Variants in BACH1 observed in about 807,000 individuals in gnomAD.
BACH1 encodes transcription regulator protein BACH1.
BACH1 carries 35 observed loss-of-function variants against 52.9 expected under a neutral mutation model. The ratio of observed to expected loss-of-function variants is 0.66; its 90% CI spans 0.51 to 0.88. BACH1 has a LOEUF of 0.88. Ranked by LOEUF, BACH1 falls within the 40% of genes least tolerant of loss-of-function variation. The probability of loss-of-function intolerance (pLI) is 0.00; values close to 1 mark genes in which losing one functional copy is unlikely to be tolerated. For synonymous variants in BACH1, 321 were observed against 319.6 expected (o/e 1.00, Z -0.05); for missense variants, 808 against 872.6 (o/e 0.93, Z 0.93).
At position 29,307,333 on chromosome 21, in the gene BACH1, T is replaced by G. The variant is rs538956292; in HGVS notation, c.-61+8380T>G. On this transcript the variant is annotated intron_variant, in intron 1 of 4. Coordinates refer to ENST00000286800, the MANE Select transcript of BACH1 (RefSeq NM_001186.4). ...GTATTCTTGTAGTACTCCTAACTTT[T>G]CTGTTTTGCTGTATGTGTACATTGT... Among the ~76,000 whole-genome samples, 17 of 152,378 alleles carry G rather than the reference T, an allele frequency of 1.1e-4. No individual in the cohort carries two copies. The East Asian group carries it at 3.3e-3, about 29-fold the overall frequency.
At chr21:29,334,092 TA>T (rs1258226084) in intron 4 of BACH1, among the ~76,000 whole-genome samples, 8 of 150,534 alleles carry the variant, frequency 5.3e-5, no homozygotes, top group East Asian at 1.9e-4. Context: ...TTTTTTTTGT[TA>T]TTTTTTTTAT....
intron 2 of BACH1, among the ~76,000 whole-genome samples, chr21:29,325,642 T>C (rs73897765): frequency 0.012 from 1,757 of 152,328 alleles, 35 homozygotes; most frequent in African/African-American, 0.04. Flanking sequence ...TTGTAGCTTG[T>C]AGCAGTTGGA....
intron 2 of BACH1, among the ~76,000 whole-genome samples, chr21:29,354,877 G>A (rs115912088): frequency 8.2e-4 from 125 of 152,318 alleles, no homozygotes; most frequent in African/African-American, 2.8e-3. Context: ...AAGTGTGTGT[G>A]TGGTGAACAG....
At chr21:29,356,672 G>A (rs1270213196) in intron 2 of BACH1, among the ~76,000 whole-genome samples, 1 of 152,274 alleles carries the variant, frequency 6.6e-6, no homozygotes, top group African/African-American at 2.4e-5. Flanking sequence ...TTGATAGGAA[G>A]GCTATGGGTT....
rs1057450937 is a variant in BACH1, at chr21:29,344,901, T to C, written c.*2068T>C. ...TCTTTTGCTTTAATTGCTACTGTAC[T>C]TGCTTTGAAAGATTACCTACTATTT... On this transcript the variant is annotated 3_prime_UTR_variant, in exon 5 of 5. Coordinates refer to ENST00000286800, the MANE Select transcript of BACH1 (RefSeq NM_001186.4). 1 of 152,778 alleles carries C rather than the reference T, an allele frequency of 6.5e-6. No individual in the cohort carries two copies. The highest frequency in any genetic ancestry group is 1.9e-4 in the East Asian group (1 of 5,192). The allele number at this position is 152,778 out of a possible 1,614,324, so 9.5% of individuals were successfully genotyped here. A position where few individuals can be genotyped will look rare whatever the true frequency, so the allele number is the denominator to read the frequency against.
intron 1 of BACH1, among the ~76,000 whole-genome samples, chr21:29,304,045 T>C (rs1262902053): frequency 6.6e-6 from 1 of 152,202 alleles, no homozygotes; most frequent in African/African-American, 2.4e-5. Context: ...AAAATAAATG[T>C]AAACACTTTT....
intron 1 of BACH1, among the ~76,000 whole-genome samples, chr21:29,304,008 A>C (rs748333654): frequency 1.6e-4 from 24 of 152,226 alleles, no homozygotes; most frequent in Non-Finnish European, 2.9e-4. Context: ...AATGCAGCTG[A>C]AATTTTGTGC....
At chr21:29,320,488 A>T (rs1041992503) in intron 1 of BACH1, among the ~76,000 whole-genome samples, 3 of 152,160 alleles carry the variant, frequency 2.0e-5, no homozygotes, top group South Asian at 2.1e-4. Flanking sequence ...TATGTATTTT[A>T]AAAAAATATA....
chr21:29,345,007 G>A lies in BACH1; in HGVS notation c.*2174G>A, dbSNP rs2089154953. On this transcript the variant is annotated 3_prime_UTR_variant, in exon 5 of 5. Coordinates refer to ENST00000286800, the MANE Select transcript of BACH1 (RefSeq NM_001186.4). The stretch of plus-strand genomic sequence containing the variant: ...TTAAATTTCTCTCTACCTATAAACA[G>A]TTTAGCATTAAGGGTTTCTATTAAT... 6.6e-6 allele frequency: 1 copy of A among 152,556 alleles called. No individual in the cohort carries two copies. Among genetic ancestry groups the A allele is most frequent in the Admixed American group, 6.5e-5 (1 of 15,280 alleles). The allele number at this position is 152,556 out of a possible 1,614,324, so 9.5% of individuals were successfully genotyped here.
chr21:29,322,482 C>G (rs1301770667), intron 2 of BACH1, among the ~76,000 whole-genome samples: 1 of 152,182 alleles, frequency 6.6e-6, no homozygotes, highest in Non-Finnish European at 1.5e-5. Context: ...TCCTGCCTTT[C>G]AGAGGAATTC....
chr21:29,306,361 AC>A (rs1013734737), intron 1 of BACH1, among the ~76,000 whole-genome samples: 11 of 149,196 alleles, frequency 7.4e-5, no homozygotes, highest in Non-Finnish European at 1.3e-4. Context: ...AAGAAGACAC[AC>A]TTTTTTTTTT....
chr21:29,329,503 A>T lies in BACH1; in HGVS notation c.1586A>T (p.Asn529Ile), dbSNP rs560686538. Reference sequence around the variant, plus strand: ...ATATTCTAGGTAAAACTGCCATTCAATGCACAACGGATAATTTCACTGTCT... The same window carrying T: ...ATATTCTAGGTAAAACTGCCATTCATTGCACAACGGATAATTTCACTGTCT... ...EQECEVKLPF[N>I]AQRIISLSRN... The change falls in exon 4 of 5, where the codon AAT becomes ATT. Residue 529 changes from asparagine (N) to isoleucine (I), a missense_variant. Physicochemically the swap from Asn to Ile is moderately radical, Grantham distance 149. Coordinates refer to ENST00000286800, the MANE Select transcript of BACH1 (RefSeq NM_001186.4). 1 of 1,581,356 alleles carries T rather than the reference A, an allele frequency of 6.3e-7. No individual in the cohort carries two copies. The highest frequency in any genetic ancestry group is 8.6e-7 in the Non-Finnish European group (1 of 1,167,156).
rs147272592 is a variant in BACH1 at position 29,326,677 on chromosome 21, G to A, written c.853G>A (p.Ala285Thr). 676 of 1,614,204 alleles carry A rather than the reference G, an allele frequency of 4.2e-4. 5 individuals are homozygous for A. The Middle Eastern group carries it at 6.1e-3, about 15-fold the overall frequency. Residue 285 changes from alanine to threonine, a missense_variant, in exon 3 of 5, where the codon GCA becomes ACA. Physicochemically the swap from Ala to Thr is moderately conservative, Grantham distance 58. Coordinates refer to ENST00000286800, the MANE Select transcript of BACH1 (RefSeq NM_001186.4). ...VMLKCDESKLAMEPEETKKDP... is the reference protein window; with the variant it reads ...VMLKCDESKLTMEPEETKKDP... ...GTTAAAATGTGACGAAAGTAAATTA[G>A]CAATGGAACCTGAAGAAACGAAGAA...
chr21:29,314,099 A>G (rs752681444), intron 1 of BACH1, among the ~76,000 whole-genome samples: 7 of 152,250 alleles, frequency 4.6e-5, no homozygotes, highest in Non-Finnish European at 8.8e-5. Context: ...TTCATAGCAG[A>G]TAACAATCCT....
chr21:29,358,814 G>GAAAGAAAGA (rs1555888598), intron 2 of BACH1, among the ~76,000 whole-genome samples: 18 of 108,196 alleles, frequency 1.7e-4, no homozygotes, highest in Non-Finnish European at 2.6e-4. Context: ...AAGAAAGAAA[G>GAAAGAAAGA]AAGAAAGAAA....
chr21:29,313,420 C>T (rs1250091998), intron 1 of BACH1, among the ~76,000 whole-genome samples: 2 of 152,320 alleles, frequency 1.3e-5, no homozygotes, highest in East Asian at 1.9e-4. Context: ...TATAATATGA[C>T]CCAGCTCTTC....
In BACH1 at chr21:29,332,514, T is replaced by C. The variant is rs146675987; in HGVS notation, c.1776+2821T>C. On this transcript the variant is annotated intron_variant, in intron 4 of 4. Coordinates refer to ENST00000286800, the MANE Select transcript of BACH1 (RefSeq NM_001186.4). ...ATTGAAGAATGAATGAATGAATGAA[T>C]GAATTTGTTGTAGGGAGATAGGTAC... Among the ~76,000 whole-genome samples, 9 of 152,344 alleles carry C rather than the reference T, an allele frequency of 5.9e-5. No individual in the cohort carries two copies. In the East Asian group the frequency reaches 1.7e-3, roughly 29 times the overall value.
intron 4 of BACH1, among the ~76,000 whole-genome samples, chr21:29,339,202 C>T (rs1569021282): frequency 6.6e-6 from 1 of 152,124 alleles, no homozygotes; most frequent in South Asian, 2.1e-4. Flanking sequence ...ACAGATTCCC[C>T]TCCTTAGGAA....
At position 29,343,508 on chromosome 21, in the gene BACH1, C is replaced by T. The variant is rs1243782437; in HGVS notation, c.*675C>T. 6.6e-6 allele frequency: 1 copy of T among 152,264 alleles called. No individual in the cohort carries two copies. The highest frequency in any genetic ancestry group is 2.4e-5 in the African/African-American group (1 of 41,448). 9.4% of individuals were successfully genotyped at this position (152,264 alleles called of 1,614,324 possible). A position where few individuals can be genotyped will look rare whatever the true frequency, so the allele number is the denominator to read the frequency against. The stretch of plus-strand genomic sequence containing the variant: ...GTATGGACTCTAGAAAGTCTGGCTA[C>T]ATGAATAGATTTAAGTGTCACTTTC... On this transcript the variant is annotated 3_prime_UTR_variant, in exon 5 of 5. Transcript: ENST00000286800.
Sources: gnomAD v4.1 joint callset for allele counts (sites outside exome capture counted in the v4.1 genomes callset) on GRCh38, gnomAD v4.1.1 for gene constraint, MANE v1.5 for transcripts, NCBI Gene and HGNC (gene_info 2026-07-23, HGNC 2026-07-21) for gene names.